The following DLGAP1 variants were observed in gnomAD, a reference collection of about 807,000 sequenced individuals.
The protein encoded by DLGAP1 is DLG associated protein 1.
Under a neutral mutation model 90.8 loss-of-function variants are expected in DLGAP1, and 11 were observed. The observed-to-expected ratio is 0.12, with a 90% CI of 0.08 to 0.20. The LOEUF (loss-of-function observed/expected upper bound fraction) is 0.20. Ranked by LOEUF, DLGAP1 falls within the 10% of genes least tolerant of loss-of-function variation. The probability of loss-of-function intolerance (pLI) is 1.00; values close to 1 mark genes in which losing one functional copy is unlikely to be tolerated. For synonymous variants in DLGAP1, 558 were observed against 540.7 expected, an observed-to-expected ratio of 1.03 and a Z score of -0.44; for missense variants, 1,050 against 1,333.8, an observed-to-expected ratio of 0.79 and a Z score of 3.31.
At chr18:3,843,902 G>A (rs2068858878) in intron 4 of DLGAP1, among the ~76,000 whole-genome samples, 3 of 152,224 alleles carry the variant, frequency 2.0e-5, no homozygotes, top group East Asian at 1.9e-4. Flanking sequence ...AACCATCGAC[G>A]ATATTTTGGG....
rs947241775 is a variant in DLGAP1 at position 3,639,809 on chromosome 18, C to T, written c.1592-57561G>A. The stretch of plus-strand genomic sequence containing the variant: ...TTGCTCTGTCGCCCAGGCTGGAGTG[C>T]AGTGGCGCGATCTCGGCTCACTGCA... On this transcript the variant is annotated intron_variant, in intron 7 of 12. Transcript: ENST00000315677. 1.6e-4 allele frequency among the ~76,000 whole-genome samples: 22 copies of T among 134,050 alleles called. 1 individual carries two copies. The highest frequency in any genetic ancestry group is 3.1e-4 in the Non-Finnish European group (20 of 64,888). The allele number at this position is 134,050 out of a possible 152,430, so 87.9% of individuals were successfully genotyped here. A position where few individuals can be genotyped will look rare whatever the true frequency, so the allele number is the denominator to read the frequency against.
chr18:3,535,072 C>CTGTGTGTGTGTGTGTG (rs111975324), intron 9 of DLGAP1, among the ~76,000 whole-genome samples: 1 of 144,642 alleles, frequency 6.9e-6, no homozygotes, highest in African/African-American at 2.6e-5. Flanking sequence ...TCAATCTTCT[C>CTGTGTGTGTGTGTGTG]TGTGTGTGTG....
intron 1 of DLGAP1, among the ~76,000 whole-genome samples, chr18:4,200,952 T>C (rs2077595563): frequency 6.6e-6 from 1 of 152,072 alleles, no homozygotes; most frequent in Non-Finnish European, 1.5e-5. Flanking sequence ...GTAACTTCAG[T>C]TTTATTTCCA....
At chr18:3,959,912 T>C (rs2073164110) in intron 3 of DLGAP1, among the ~76,000 whole-genome samples, 1 of 152,198 alleles carries the variant, frequency 6.6e-6, no homozygotes, top group South Asian at 2.1e-4. Context: ...GAAGTGTGCC[T>C]TTTACACTTA....
rs111787855 is a variant in DLGAP1 at position 3,867,055 on chromosome 18, T to C, written c.957+12057A>G. Among the ~76,000 whole-genome samples, 191 of 152,286 alleles carry C rather than the reference T, an allele frequency of 1.3e-3. 1 individual carries two copies. Among genetic ancestry groups the C allele is most frequent in the African/African-American group, 4.3e-3 (179 of 41,558 alleles). On this transcript the variant is annotated intron_variant, in intron 4 of 12. Coordinates refer to ENST00000315677, the MANE Select transcript of DLGAP1 (RefSeq NM_004746.4). ...CTTTAGTAGAGACGGGGTTTCACTATGTTGGCCATGCTGGTCTTGAACTCC... is the reference window on the plus strand; with the variant it reads ...CTTTAGTAGAGACGGGGTTTCACTACGTTGGCCATGCTGGTCTTGAACTCC...
chr18:3,582,338 C>T, intron 7 of DLGAP1, 90 bp from the exon 8 acceptor site: 1 of 1,520,156 alleles, frequency 6.6e-7, no homozygotes, highest in Non-Finnish European at 8.8e-7. Context: ...AATTAGGGCA[C>T]ATGAAACACA....
intron 7 of DLGAP1, among the ~76,000 whole-genome samples, chr18:3,583,184 A>C (rs60544238): frequency 7.8e-6 from 1 of 127,704 alleles, no homozygotes; most frequent in Non-Finnish European, 1.6e-5. Flanking sequence ...CTACCTACCT[A>C]CCTTCCTTCC....
intron 4 of DLGAP1, among the ~76,000 whole-genome samples, chr18:3,817,434 T>C (rs908641209): frequency 5.9e-5 from 9 of 152,182 alleles, no homozygotes; most frequent in Non-Finnish European, 1.2e-4. Flanking sequence ...GTGACTTCCA[T>C]TGGAGTGGAA....
intron 5 of DLGAP1, among the ~76,000 whole-genome samples, chr18:3,808,300 GA>G (rs1241038780): frequency 1.3e-5 from 2 of 151,600 alleles, no homozygotes; most frequent in African/African-American, 4.9e-5. Flanking sequence ...GATAATAGAA[GA>G]AAGTATTATA....
chr18:4,399,762 T>C (rs111479911), intron 1 of DLGAP1, among the ~76,000 whole-genome samples: 4,525 of 152,176 alleles, frequency 0.03, 91 homozygotes, highest in Non-Finnish European at 0.046. Flanking sequence ...GAGACATCTA[T>C]TGGAAAAAAA....
rs1320748387 is a variant in DLGAP1 at position 4,208,660 on chromosome 18, C to T, written c.-266-57373G>A. 2.0e-5 allele frequency among the ~76,000 whole-genome samples: 3 copies of T among 152,072 alleles called. No homozygotes were observed. The East Asian group carries it at 5.8e-4, about 29-fold the overall frequency. ...CCAAGAAATAAATTTTTATTTTCAC[C>T]AGCTTTTGACTCAAAGTATTTAAGA... On this transcript the variant is annotated intron_variant, in intron 1 of 12. Transcript: ENST00000315677.
chr18:3,931,267 C>T (rs2072509796), intron 3 of DLGAP1, among the ~76,000 whole-genome samples: 1 of 152,138 alleles, frequency 6.6e-6, no homozygotes, highest in Non-Finnish European at 1.5e-5. Flanking sequence ...TTGAAATAGG[C>T]AAAAGCAGTC....
intron 1 of DLGAP1, among the ~76,000 whole-genome samples, chr18:4,364,814 A>C (rs2081724079): frequency 6.6e-6 from 1 of 152,060 alleles, no homozygotes. Context: ...TTTCCCTCTT[A>C]ACACTGCCTT....
intron 2 of DLGAP1, among the ~76,000 whole-genome samples, chr18:4,060,273 T>C (rs1000737974): frequency 2.0e-5 from 3 of 152,120 alleles, no homozygotes; most frequent in Non-Finnish European, 2.9e-5. Flanking sequence ...TCTGTGCTAG[T>C]CTCCTCTGAG....
chr18:3,616,057 G>A (rs2057849792), intron 7 of DLGAP1, among the ~76,000 whole-genome samples: 1 of 152,228 alleles, frequency 6.6e-6, no homozygotes, highest in South Asian at 2.1e-4. Context: ...AAATGAAATT[G>A]TATACTTTGC....
chr18:3,967,031 G>T (rs2073345979), intron 3 of DLGAP1, among the ~76,000 whole-genome samples: 1 of 152,196 alleles, frequency 6.6e-6, no homozygotes, highest in Non-Finnish European at 1.5e-5. Flanking sequence ...GGGAAACCAG[G>T]AGGTGAGGTA....
intron 1 of DLGAP1, among the ~76,000 whole-genome samples, chr18:4,282,757 C>T (rs763133990): frequency 6.6e-6 from 1 of 152,096 alleles, no homozygotes; most frequent in South Asian, 2.1e-4. Context: ...GCTGGCATTG[C>T]GAGAGAAGAG....
At chr18:3,765,065 G>T (rs2064155540) in intron 5 of DLGAP1, among the ~76,000 whole-genome samples, 1 of 151,602 alleles carries the variant, frequency 6.6e-6, no homozygotes, top group Admixed American at 6.6e-5. Flanking sequence ...GTGGTGGATG[G>T]GCATTCCCTG....
intron 1 of DLGAP1, among the ~76,000 whole-genome samples, chr18:4,372,598 G>A (rs114298203): frequency 0.013 from 1,961 of 152,250 alleles, 21 homozygotes; most frequent in African/African-American, 0.028. Flanking sequence ...GTTGAGTCTT[G>A]AAGAAACAAA....
Sources: allele counts gnomAD v4.1 joint callset (sites outside exome capture counted in the v4.1 genomes callset), GRCh38; gene constraint gnomAD v4.1.1; transcripts MANE v1.5; gene names NCBI Gene and HGNC (gene_info 2026-07-23, HGNC 2026-07-21).